The following SIN3B variants were observed in gnomAD, a reference collection of about 807,000 sequenced individuals.
SIN3B encodes SIN3 transcription regulator family member B.
SIN3B carries 19 observed loss-of-function variants against 120.2 expected under a neutral mutation model. That is an observed-to-expected ratio of 0.16 (90% CI 0.11 to 0.23). The LOEUF (loss-of-function observed/expected upper bound fraction) is 0.23, where lower values mean the gene tolerates loss of function less well. Among genes scored for constraint, SIN3B ranks in the 10% least tolerant of loss-of-function variants. The pLI is 1.00. For synonymous variants in SIN3B, 654 were observed against 653.2 expected, an observed-to-expected ratio of 1.00 and a Z score of -0.02; for missense variants, 1,073 against 1,573.0, an observed-to-expected ratio of 0.68 and a Z score of 5.38.
chr19:16,863,927 C>T (rs1971724771), intron 10 of SIN3B, 131 bp downstream of exon 10: 1 of 637,350 alleles, frequency 1.6e-6, no homozygotes, highest in Non-Finnish European at 2.8e-6. Context: ...ATTCCAACAG[C>T]TCCTGGAAGC....
intron 7 of SIN3B, 31 bp downstream of exon 7, chr19:16,853,189 G>A (rs1336415340): frequency 1.3e-6 from 2 of 1,599,858 alleles, no homozygotes; most frequent in Non-Finnish European, 1.7e-6. Context: ...CCATCTTGGG[G>A]ATGCCATGTC....
At position 16,878,694 on chromosome 19, in the gene SIN3B, C is replaced by T. The variant is rs966890130; in HGVS notation, c.3360C>T (p.Arg1120=). The T allele has an allele frequency of 8.1e-6, 13 of 1,611,176 alleles. No individual in the cohort carries two copies. Among genetic ancestry groups the T allele is most frequent in the East Asian group, 2.2e-5 (1 of 44,804 alleles). The stretch of plus-strand genomic sequence containing the variant: ...ACGGCCTGCCCGTGACCCGCTACCG[C>T]GTGCAGTACAGCCGCCGCCCGGCCT... ...HVHGLPVTRY[R]VQYSRRPASP Residue 1120 remains arginine (R), a synonymous_variant, in exon 19 of 19, where the codon CGC becomes CGT. Transcript: ENST00000248054.
In SIN3B at chr19:16,862,355, A is replaced by G. The variant is rs754542922; in HGVS notation, c.1062A>G (p.Lys354=). 1.2e-6 allele frequency: 2 copies of G among 1,609,556 alleles called. No individual in the cohort carries two copies. The highest frequency in any genetic ancestry group is 2.2e-5 in the East Asian group (1 of 44,748). ...LLQLVSPFLG[K]FPELFAQFKS... ...CCATGTGTCTTTATCTTTGAAGGAA[A>G]TTTCCAGAACTCTTTGCACAGTTCA... Residue 354 remains lysine (K), a synonymous_variant, in exon 9 of 19, where the codon AAA becomes AAG. Transcript: ENST00000248054. The surrounding 1 kb of genome is among the most constrained non-coding windows in gnomAD (Gnocchi z 4.7).
intron 3 of SIN3B, among the ~76,000 whole-genome samples, chr19:16,838,694 C>G (rs1241299831): frequency 6.6e-6 from 1 of 151,814 alleles, no homozygotes; most frequent in Non-Finnish European, 1.5e-5. Context: ...TTTTTCGAGA[C>G]AGAGTCTCGC....
intron 13 of SIN3B, 65 bp downstream of exon 13, chr19:16,870,140 A>T: frequency 4.3e-6 from 6 of 1,386,016 alleles, no homozygotes; most frequent in Non-Finnish European, 5.8e-6. Context: ...ACAGCTCATG[A>T]TCTGACATGT....
rs1454893688 is a variant in SIN3B, at chr19:16,866,456, T to G, written c.1706T>G (p.Leu569Arg). The change falls in exon 12 of 19, where the codon CTC becomes CGC. Residue 569 changes from leucine (L) to arginine (R), a missense_variant. This residue lies in a region of SIN3B where 118 missense variants were observed against 281.6 expected (regional missense o/e 0.42). Coordinates refer to ENST00000248054, the MANE Select transcript of SIN3B (RefSeq NM_001297595.2). Reference protein sequence around the residue: ...IWREQYEKAYLKSLDHQAVNF... With the variant: ...IWREQYEKAYRKSLDHQAVNF... Reference sequence around the variant, plus strand: ...CGGGAGCAGTATGAGAAGGCGTACCTCAAGTCCCTTGACCACCAGGCTGTG... The same window carrying G: ...CGGGAGCAGTATGAGAAGGCGTACCGCAAGTCCCTTGACCACCAGGCTGTG... The G allele has an allele frequency of 6.2e-7, 1 of 1,613,612 alleles. No individual in the cohort carries two copies. The highest frequency in any genetic ancestry group is 1.3e-5 in the African/African-American group (1 of 74,854).
chr19:16,875,015 G>A (rs2051570663), intron 14 of SIN3B, among the ~76,000 whole-genome samples: 1 of 149,674 alleles, frequency 6.7e-6, no homozygotes, highest in African/African-American at 2.5e-5. Context: ...TTAGGTTTTG[G>A]TTTGGTCTGG....
chr19:16,847,897 C>T (rs1312075086), intron 5 of SIN3B, among the ~76,000 whole-genome samples: 1 of 152,226 alleles, frequency 6.6e-6, no homozygotes, highest in Non-Finnish European at 1.5e-5. Context: ...TCCCCATCAG[C>T]AGCCACCCCA....
chr19:16,863,019 G>A (rs761416753), intron 9 of SIN3B: 44 of 1,464,950 alleles, frequency 3.0e-5, no homozygotes, highest in Middle Eastern at 1.7e-4. Flanking sequence ...CCCGCTGCCC[G>A]TGTTTGTAAA....
Position 16,876,708 on chromosome 19 carries a change from C to T in SIN3B, c.2859+130C>T, listed in dbSNP as rs1254579344. 3 of 677,734 alleles carry T rather than the reference C, an allele frequency of 4.4e-6. No individual in the cohort carries two copies. The highest frequency in any genetic ancestry group is 3.3e-4 in the Middle Eastern group (1 of 2,996). 42.0% of individuals were successfully genotyped at this position (677,734 alleles called of 1,614,324 possible). A position where few individuals can be genotyped will look rare whatever the true frequency, so the allele number is the denominator to read the frequency against. ...CCTCCCTCTGCAGGCCACAGGCTCT[C>T]CTTGAGGCCTGGTGGGTGGGGTTGC... On this transcript the variant is annotated intron_variant, in intron 16 of 18. Transcript: ENST00000248054. This position sits in a 1 kb window ranked among gnomAD's most constrained non-coding sequence, Gnocchi z 7.1.
chr19:16,866,293 A>T, intron 11 of SIN3B, 80 bp from the exon 12 acceptor site: 1 of 1,424,746 alleles, frequency 7.0e-7, no homozygotes, highest in Non-Finnish European at 9.5e-7. Flanking sequence ...CAAGTCCCAG[A>T]GGAAGACAGG....
At chr19:16,843,306 G>T (rs1293879832) in intron 4 of SIN3B, among the ~76,000 whole-genome samples, 1 of 152,162 alleles carries the variant, frequency 6.6e-6, no homozygotes, top group Non-Finnish European at 1.5e-5. Context: ...CTGCAGCCTT[G>T]ACATGTCGAG....
chr19:16,842,150 C>T (rs184125595), intron 4 of SIN3B, among the ~76,000 whole-genome samples, 182 bp downstream of exon 4: 14 of 149,712 alleles, frequency 9.4e-5, no homozygotes, highest in Admixed American at 7.3e-4. Flanking sequence ...TGCAGTGGCA[C>T]GGACTCGGCT....
intron 8 of SIN3B, among the ~76,000 whole-genome samples, chr19:16,858,690 C>T (rs1479581817): frequency 6.6e-6 from 1 of 152,144 alleles, no homozygotes; most frequent in Non-Finnish European, 1.5e-5. Context: ...TGGCTCACGC[C>T]TGTAATCCTA....
At chr19:16,836,162 A>T (rs1971346621) in intron 3 of SIN3B, among the ~76,000 whole-genome samples, 1 of 152,168 alleles carries the variant, frequency 6.6e-6, no homozygotes, top group African/African-American at 2.4e-5. Context: ...CGTCCTGCAC[A>T]CTGAAGGGTA....
Position 16,876,030 on chromosome 19 carries a change from G to A in SIN3B, c.2593-25G>A, listed in dbSNP as rs748527217. On this transcript the variant is annotated intron_variant, in intron 14 of 18. Coordinates refer to ENST00000248054, the MANE Select transcript of SIN3B (RefSeq NM_001297595.2). This position sits in a 1 kb window ranked among gnomAD's most constrained non-coding sequence, Gnocchi z 7.1. ...GACTCCCGCAGGAGGCGGGGTGGCC[G>A]CACCACCTGCTTTCCTCCCGCCAGC... 2.3e-5 allele frequency: 36 copies of A among 1,533,876 alleles called. No individual in the cohort carries two copies. The highest frequency in any genetic ancestry group is 1.5e-4 in the South Asian group (12 of 82,366).
chr19:16,848,721 G>A (rs529478514), intron 5 of SIN3B, among the ~76,000 whole-genome samples: 2 of 152,184 alleles, frequency 1.3e-5, no homozygotes, highest in East Asian at 3.9e-4. Flanking sequence ...GGCTGGTCTC[G>A]AGCTCCTGGC....
At chr19:16,832,852 G>A (rs940822715) in intron 3 of SIN3B, among the ~76,000 whole-genome samples, 3 of 151,924 alleles carry the variant, frequency 2.0e-5, no homozygotes, top group East Asian at 1.9e-4. Context: ...GCTTACTAGC[G>A]CCTCTGAGAA....
At chr19:16,829,960 G>C in intron 2 of SIN3B, 63 bp downstream of exon 2, 1 of 1,143,544 alleles carries the variant, frequency 8.7e-7, no homozygotes, top group South Asian at 1.2e-5. Context: ...GCCTAGCGGG[G>C]TGAGACCTCC....
Sources: gnomAD v4.1 joint callset for allele counts (sites outside exome capture counted in the v4.1 genomes callset) on GRCh38, gnomAD v4.1.1 for gene constraint, gnomAD v4.1.1 regional missense constraint, Gnocchi (gnomAD v3.1) non-coding constraint, MANE v1.5 for transcripts, NCBI Gene and HGNC (gene_info 2026-07-23, HGNC 2026-07-21) for gene names.